Variants in UBE2U observed in about 807,000 individuals in gnomAD.
UBE2U encodes ubiquitin-conjugating enzyme E2 U.
In UBE2U, 39 loss-of-function variants were observed where a neutral mutation model predicts 41.2. The ratio of observed to expected loss-of-function variants is 0.95; its 90% CI spans 0.73 to 1.24. The LOEUF is 1.24. Ranked by LOEUF, UBE2U falls within the 50% of genes most tolerant of loss-of-function variation. The pLI is 0.00. For synonymous variants in UBE2U, 107 were observed against 117.8 expected, an observed-to-expected ratio of 0.91 and a Z score of 0.60; for missense variants, 336 against 363.1, an observed-to-expected ratio of 0.93 and a Z score of 0.61.
intron 8 of UBE2U, among the ~76,000 whole-genome samples, chr1:64,242,013 T>G (rs982296885): frequency 4.6e-5 from 7 of 152,098 alleles, no homozygotes; most frequent in African/African-American, 1.7e-4. Context: ...TTTCTCTTAC[T>G]CTCATTTCCA....
intron 3 of UBE2U, among the ~76,000 whole-genome samples, chr1:64,209,707 A>T (rs1651548933): frequency 7.8e-6 from 1 of 127,740 alleles, no homozygotes; most frequent in African/African-American, 3.0e-5. Flanking sequence ...AAAGATGGCT[A>T]TGTACAGTTT....
chr1:64,252,335 G>A (rs1194713916), intron 8 of UBE2U, among the ~76,000 whole-genome samples: 1 of 152,226 alleles, frequency 6.6e-6, no homozygotes, highest in African/African-American at 2.4e-5. Flanking sequence ...TGGCTCTGGA[G>A]AGGCCAGGTG....
At chr1:64,264,907 G>A (rs1038634733) in intron 9 of UBE2U, among the ~76,000 whole-genome samples, 14 of 152,084 alleles carry the variant, frequency 9.2e-5, no homozygotes, top group African/African-American at 3.1e-4. Flanking sequence ...CTGAAAGCAC[G>A]CCACCGCACT....
At chr1:64,252,814 T>C (rs923861058) in intron 8 of UBE2U, among the ~76,000 whole-genome samples, 8 of 152,022 alleles carry the variant, frequency 5.3e-5, no homozygotes, top group African/African-American at 1.9e-4. Flanking sequence ...AAAAAGTCAA[T>C]ACAAAAATGC....
chr1:64,254,950 CA>C (rs1324956437), intron 8 of UBE2U, among the ~76,000 whole-genome samples: 3 of 151,330 alleles, frequency 2.0e-5, no homozygotes, highest in African/African-American at 7.3e-5. Flanking sequence ...GATAGAGACA[CA>C]AAAAACCCTT....
chr1:64,223,073 A>T (rs1174525365), intron 6 of UBE2U, among the ~76,000 whole-genome samples: 1 of 152,118 alleles, frequency 6.6e-6, no homozygotes, highest in East Asian at 1.9e-4. Flanking sequence ...TAGTACTTAG[A>T]ATGTACTTAG....
At chr1:64,232,970 A>T (rs927104763) in intron 7 of UBE2U, among the ~76,000 whole-genome samples, 1 of 151,834 alleles carries the variant, frequency 6.6e-6, no homozygotes, top group Non-Finnish European at 1.5e-5. Context: ...AGCTAGGATT[A>T]TAGGCAAAAG....
chr1:64,215,558 A>G (rs530130507), intron 5 of UBE2U: 4 of 152,342 alleles, frequency 2.6e-5, no homozygotes, highest in African/African-American at 9.6e-5. Context: ...TTCAATCTGT[A>G]ATGGACATTT....
chr1:64,225,837 C>T (rs1004381157), intron 6 of UBE2U, among the ~76,000 whole-genome samples: 4 of 152,160 alleles, frequency 2.6e-5, no homozygotes, highest in Non-Finnish European at 5.9e-5. Context: ...ATCATTGACT[C>T]AAATTAAGAT....
intron 6 of UBE2U, among the ~76,000 whole-genome samples, chr1:64,229,026 T>G (rs1415620309): frequency 1.3e-5 from 2 of 151,840 alleles, no homozygotes; most frequent in Non-Finnish European, 2.9e-5. Flanking sequence ...ATGCTCAGCT[T>G]ATTTTTGTAT....
chr1:64,239,084 G>GAAGAAGAAGAAGA lies in UBE2U; in HGVS notation c.596-2567_596-2566insAGAAGAAGAAGAA, dbSNP rs1557729519. Among the ~76,000 whole-genome samples the GAAGAAGAAGAAGA allele has an allele frequency of 1.5e-3, 89 of 58,848 alleles. 2 individuals are homozygous for GAAGAAGAAGAAGA. The highest frequency in any genetic ancestry group is 6.6e-3 in the Middle Eastern group (1 of 152). The allele number at this position is 58,848 out of a possible 152,430, so 38.6% of individuals were successfully genotyped here. A position where few individuals can be genotyped will look rare whatever the true frequency, so the allele number is the denominator to read the frequency against. ...AGAAGAAGAGGAAGAGGAAGAGGAA[G>GAAGAAGAAGAAGA]AGGAAGAGGAAGAAGAAGAAGAAGA... On this transcript the variant is annotated intron_variant, in intron 7 of 9. Transcript: ENST00000371077.
In UBE2U at chr1:64,203,828, A is replaced by T. The variant is rs1270732957; in HGVS notation, c.-223A>T. ...AACGCCGCAGATGAGGAAGTGCCCAAGTCTTCCTTCGGGAAGTTCTCGTTT... is the reference window on the plus strand; with the variant it reads ...AACGCCGCAGATGAGGAAGTGCCCATGTCTTCCTTCGGGAAGTTCTCGTTT... On this transcript the variant is annotated 5_prime_UTR_variant, in exon 1 of 10. The change creates a new upstream start codon in the 5' untranslated region. Coordinates refer to ENST00000371077, the MANE Select transcript of UBE2U (RefSeq NM_001366232.2). The T allele has an allele frequency of 2.4e-6, 1 of 419,206 alleles. No individual in the cohort carries two copies. The highest frequency in any genetic ancestry group is 4.3e-6 in the Non-Finnish European group (1 of 234,540). 26.0% of individuals were successfully genotyped at this position (419,206 alleles called of 1,614,324 possible).
At chr1:64,242,522 A>T (rs183560248) in intron 8 of UBE2U, among the ~76,000 whole-genome samples, 17 of 152,298 alleles carry the variant, frequency 1.1e-4, no homozygotes, top group Admixed American at 5.9e-4. Context: ...TCTTTTCTAG[A>T]TGGAAATACA....
intron 6 of UBE2U, among the ~76,000 whole-genome samples, chr1:64,225,406 C>T (rs764329341): frequency 6.6e-5 from 10 of 152,302 alleles, no homozygotes; most frequent in Middle Eastern, 3.4e-3. Context: ...GGCCAAATCA[C>T]TTAGGACTTT....
chr1:64,208,090 G>A (rs1651415866), intron 3 of UBE2U, among the ~76,000 whole-genome samples: 1 of 152,074 alleles, frequency 6.6e-6, no homozygotes, highest in Non-Finnish European at 1.5e-5. Context: ...AAAAAGTATT[G>A]TTATTTATCA....
At chr1:64,255,607 G>A (rs528522447) in intron 8 of UBE2U, among the ~76,000 whole-genome samples, 1 of 152,094 alleles carries the variant, frequency 6.6e-6, no homozygotes, top group Non-Finnish European at 1.5e-5. Flanking sequence ...AGGGTGCAAG[G>A]TTGGCTCAAC....
At chr1:64,238,095 A>G (rs1376683026) in intron 7 of UBE2U, among the ~76,000 whole-genome samples, 1 of 152,178 alleles carries the variant, frequency 6.6e-6, no homozygotes, top group Non-Finnish European at 1.5e-5. Flanking sequence ...TCTATTTTAC[A>G]TGTGCCTAGC....
rs933452045 is a variant in UBE2U at position 64,205,683 on chromosome 1, A to T, written c.111A>T (p.Glu37Asp). Residue 37 changes from glutamate (E) to aspartate (D), a missense_variant, in exon 2 of 10, where the codon GAA becomes GAT. Coordinates refer to ENST00000371077, the MANE Select transcript of UBE2U (RefSeq NM_001366232.2). Reference protein sequence around the residue: ...KPVSEDMMEWEVEIEGLQNSV... With the variant: ...KPVSEDMMEWDVEIEGLQNSV... ...TAAGTGAAGATATGATGGAATGGGA[A>T]GTTGAAATTGAAGGTCTACAGAATT... is the stretch of plus-strand genomic sequence containing the variant. The T allele has an allele frequency of 6.2e-7, 1 of 1,613,236 alleles. No homozygotes were observed. The highest frequency in any genetic ancestry group is 8.5e-7 in the Non-Finnish European group (1 of 1,179,600).
intron 8 of UBE2U, among the ~76,000 whole-genome samples, chr1:64,259,429 T>C (rs973854608): frequency 6.6e-6 from 1 of 152,124 alleles, no homozygotes; most frequent in Non-Finnish European, 1.5e-5. Context: ...TTGCCTAGAT[T>C]TTCTTCTAGG....
Sources: allele counts gnomAD v4.1 joint callset (sites outside exome capture counted in the v4.1 genomes callset), GRCh38; gene constraint gnomAD v4.1.1; transcripts MANE v1.5; gene names NCBI Gene and HGNC (gene_info 2026-07-23, HGNC 2026-07-21).